Variants in RBMS1 observed in about 807,000 individuals in gnomAD.
RBMS1 encodes RNA-binding motif, single-stranded-interacting protein 1.
A neutral mutation model predicts 62.3 loss-of-function variants in RBMS1; 17 were observed. The observed-to-expected ratio is 0.27, with a 90% CI of 0.19 to 0.41. The LOEUF (loss-of-function observed/expected upper bound fraction) is 0.41, where lower values mean the gene tolerates loss of function less well. Among genes scored for constraint, RBMS1 ranks in the 10% least tolerant of loss-of-function variants. RBMS1 has a pLI of 1.00. For synonymous variants in RBMS1, 172 were observed against 170.0 expected (o/e 1.01, Z -0.09); for missense variants, 334 against 504.5 (o/e 0.66, Z 3.24).
chr2:160,399,967 T>C (rs116590400), intron 1 of RBMS1, among the ~76,000 whole-genome samples: 7 of 152,212 alleles, frequency 4.6e-5, no homozygotes, highest in Non-Finnish European at 7.3e-5. Context: ...ATACATCAAC[T>C]AGCAAAGTAA....
intron 1 of RBMS1, among the ~76,000 whole-genome samples, chr2:160,421,016 C>T (rs951717290): frequency 6.6e-6 from 1 of 152,134 alleles, no homozygotes; most frequent in African/African-American, 2.4e-5. Flanking sequence ...CCGGATGGCA[C>T]AACTTCTGTT....
At chr2:160,313,635 G>A (rs1690056297) in intron 3 of RBMS1, among the ~76,000 whole-genome samples, 1 of 152,102 alleles carries the variant, frequency 6.6e-6, no homozygotes, top group Non-Finnish European at 1.5e-5. Context: ...CGGTAAGAAA[G>A]ATGGAGACAT....
At chr2:160,377,470 T>G (rs914134424) in intron 1 of RBMS1, among the ~76,000 whole-genome samples, 1 of 152,128 alleles carries the variant, frequency 6.6e-6, no homozygotes, top group Admixed American at 6.5e-5. Context: ...AGCTTCCAGG[T>G]TTTGCTCATG....
At chr2:160,390,628 T>C (rs977062617) in intron 1 of RBMS1, among the ~76,000 whole-genome samples, 3 of 143,554 alleles carry the variant, frequency 2.1e-5, no homozygotes, top group African/African-American at 7.9e-5. Context: ...CCCAGGAGGT[T>C]GAGGCTGCAG....
chr2:160,460,975 C>A (rs1684436129), intron 1 of RBMS1, among the ~76,000 whole-genome samples: 1 of 152,156 alleles, frequency 6.6e-6, no homozygotes, highest in Non-Finnish European at 1.5e-5. Context: ...AAAAGGTGTT[C>A]TTGCTGGGTA....
chr2:160,464,630 G>A (rs1055454222), intron 1 of RBMS1, among the ~76,000 whole-genome samples: 24 of 152,242 alleles, frequency 1.6e-4, no homozygotes, highest in African/African-American at 5.1e-4. Context: ...CTTTTATATT[G>A]TCCTCAGCAG....
chr2:160,408,955 T>C (rs1695913796), intron 1 of RBMS1, among the ~76,000 whole-genome samples: 1 of 152,204 alleles, frequency 6.6e-6, no homozygotes. Context: ...TTCTGGTCTC[T>C]TAATACCTTC....
intron 6 of RBMS1, among the ~76,000 whole-genome samples, chr2:160,292,089 T>C (rs906720425): frequency 6.6e-6 from 1 of 152,230 alleles, no homozygotes; most frequent in Non-Finnish European, 1.5e-5. Context: ...GGAACATCTG[T>C]GTGTGGATCT....
At chr2:160,346,804 T>A (rs570403511) in intron 2 of RBMS1, among the ~76,000 whole-genome samples, 1 of 152,074 alleles carries the variant, frequency 6.6e-6, no homozygotes, top group Admixed American at 6.6e-5. Context: ...CTAAACACTA[T>A]AGAGTTATGA....
At chr2:160,287,140 C>T (rs934848752) in intron 6 of RBMS1, 56 bp from the exon 7 acceptor site, 5 of 1,596,520 alleles carry the variant, frequency 3.1e-6, no homozygotes, top group Non-Finnish European at 3.4e-6. Context: ...ATGTGGATGA[C>T]AAAATGTATT....
At chr2:160,356,483 G>A (rs1692808966) in intron 2 of RBMS1, among the ~76,000 whole-genome samples, 1 of 152,140 alleles carries the variant, frequency 6.6e-6, no homozygotes, top group Admixed American at 6.6e-5. Context: ...AGTTAATAAA[G>A]TAGCATTCAG....
intron 1 of RBMS1, among the ~76,000 whole-genome samples, chr2:160,457,723 G>T (rs1684298484): frequency 6.6e-6 from 1 of 152,078 alleles, no homozygotes; most frequent in Non-Finnish European, 1.5e-5. Flanking sequence ...TTGCTAAATA[G>T]GCAACATACA....
chr2:160,340,056 G>C (rs1330769867), intron 2 of RBMS1, among the ~76,000 whole-genome samples: 2 of 152,114 alleles, frequency 1.3e-5, no homozygotes, highest in African/African-American at 4.8e-5. Flanking sequence ...ATCAACTGTT[G>C]AGAGGGCTTC....
chr2:160,483,079 T>TAAAAAAAAAA (rs367600184), intron 1 of RBMS1, among the ~76,000 whole-genome samples: 1 of 141,032 alleles, frequency 7.1e-6, no homozygotes, highest in Non-Finnish European at 1.6e-5. Context: ...TAATCTCTCT[T>TAAAAAAAAAA]AAAAAAAAAA....
intron 1 of RBMS1, among the ~76,000 whole-genome samples, chr2:160,443,249 G>A (rs964818731): frequency 6.7e-6 from 1 of 150,070 alleles, no homozygotes; most frequent in Non-Finnish European, 1.5e-5. Flanking sequence ...GACTTACACA[G>A]AAAGAGAGCA....
At chr2:160,433,750 G>A (rs1683000681) in intron 1 of RBMS1, among the ~76,000 whole-genome samples, 1 of 152,204 alleles carries the variant, frequency 6.6e-6, no homozygotes, top group Non-Finnish European at 1.5e-5. Context: ...TTCATATCAT[G>A]TCTTCACAGT....
intron 1 of RBMS1, among the ~76,000 whole-genome samples, chr2:160,446,259 A>G (rs896979308): frequency 2.0e-5 from 3 of 152,204 alleles, no homozygotes; most frequent in Non-Finnish European, 4.4e-5. Flanking sequence ...TGTCTATGAC[A>G]GTCCCTCCAT....
chr2:160,294,626 G>A (rs745948215), intron 6 of RBMS1, among the ~76,000 whole-genome samples: 12 of 152,178 alleles, frequency 7.9e-5, no homozygotes, highest in African/African-American at 2.4e-4. Context: ...TGTGTCTAAC[G>A]TGGGTTTCTT....
intron 1 of RBMS1, among the ~76,000 whole-genome samples, chr2:160,384,276 A>G (rs1214735558): frequency 6.6e-6 from 1 of 152,234 alleles, no homozygotes; most frequent in African/African-American, 2.4e-5. Flanking sequence ...TATGGCATAG[A>G]ATTTTACCTA....
Sources: allele counts gnomAD v4.1 joint callset (sites outside exome capture counted in the v4.1 genomes callset), GRCh38; gene constraint gnomAD v4.1.1; transcripts MANE v1.5; gene names NCBI Gene and HGNC (gene_info 2026-07-23, HGNC 2026-07-21).